ZNF510: variants seen among roughly 807,000 people sequenced by gnomAD.
ZNF510 encodes the protein zinc finger protein 510.
A neutral mutation model predicts 18.1 loss-of-function variants in ZNF510; 15 were observed. The observed-to-expected ratio is 0.83, with a 90% CI of 0.55 to 1.28. The LOEUF is 1.28. Ranked by LOEUF, ZNF510 falls within the 50% of genes most tolerant of loss-of-function variation. ZNF510 has a pLI of 0.00. For missense variants in ZNF510, 724 were observed against 791.8 expected (o/e 0.91, Z 1.03); for synonymous variants, 261 against 266.4 (o/e 0.98, Z 0.20).
Position 96,756,974 on chromosome 9 carries a change from A to G in ZNF510, c.*1804T>C, listed in dbSNP as rs1022216050. ...ACTTATGGGAATTAATCCCTACTAC[A>G]CTTTCAGATGTAAACATAACTGTAG... On this transcript the variant is annotated 3_prime_UTR_variant, in exon 6 of 6. Transcript: ENST00000223428. The G allele has an allele frequency of 3.9e-5, 6 of 152,182 alleles. No individual in the cohort carries two copies. Among genetic ancestry groups the G allele is most frequent in the Admixed American group, 2.0e-4 (3 of 15,278 alleles). 9.4% of individuals were successfully genotyped at this position (152,182 alleles called of 1,614,324 possible).
In ZNF510 at chr9:96,760,219, C is replaced by A. The variant is rs769407849; in HGVS notation, c.611G>T (p.Gly204Val). The A allele has an allele frequency of 6.2e-7, 1 of 1,613,096 alleles. No homozygotes were observed. Among genetic ancestry groups the A allele is most frequent in the Non-Finnish European group, 8.5e-7 (1 of 1,179,666 alleles). Residue 204 changes from glycine to valine, a missense_variant, in exon 6 of 6, where the codon GGT becomes GTT. Physicochemically the swap from Gly to Val is moderately radical, Grantham distance 109. Transcript: ENST00000223428. ...GAAAGGTGAATTCTCACATACATTA[C>A]CGCAACCTATTTTCTTTGTTGAATA... ...RNYSTKKIGC[G>V]NVCENSPFKI...
In ZNF510 at chr9:96,758,130, T is replaced by G. The variant is rs1849239821; in HGVS notation, c.*648A>C. On this transcript the variant is annotated 3_prime_UTR_variant, in exon 6 of 6. Coordinates refer to ENST00000223428, the MANE Select transcript of ZNF510 (RefSeq NM_014930.3). ...AGTGAAAATACAGATAAGGGGGGAC[T>G]ACTGTATAAGCTTAAATTTTGCTCA... 6.6e-6 allele frequency: 1 copy of G among 152,230 alleles called. No homozygotes were observed. The highest frequency in any genetic ancestry group is 6.5e-5 in the Admixed American group (1 of 15,282). 9.4% of individuals were successfully genotyped at this position (152,230 alleles called of 1,614,324 possible). A position where few individuals can be genotyped will look rare whatever the true frequency, so the allele number is the denominator to read the frequency against.
At chr9:96,773,518 T>C (rs1014392820) in intron 3 of ZNF510, among the ~76,000 whole-genome samples, 1 of 151,450 alleles carries the variant, frequency 6.6e-6, no homozygotes, top group African/African-American at 2.4e-5. Flanking sequence ...GACAGACATC[T>C]AAGCCACGGA....
intron 5 of ZNF510, among the ~76,000 whole-genome samples, chr9:96,762,108 G>A (rs1431036138): frequency 6.6e-6 from 1 of 150,888 alleles, no homozygotes; most frequent in African/African-American, 2.4e-5. Flanking sequence ...AGTGTATACT[G>A]CTTGGGTGAT....
chr9:96,758,081 C>A lies in ZNF510; in HGVS notation c.*697G>T, dbSNP rs1316293940. ...TTTAATAACTTTAAAGTACAGTTGACCATGGTTAATGGAAATTGCGTAAAG... is the reference window on the plus strand; with the variant it reads ...TTTAATAACTTTAAAGTACAGTTGAACATGGTTAATGGAAATTGCGTAAAG... On this transcript the variant is annotated 3_prime_UTR_variant, in exon 6 of 6. Transcript: ENST00000223428. The A allele has an allele frequency of 6.6e-6, 1 of 152,134 alleles. No individual in the cohort carries two copies. The highest frequency in any genetic ancestry group is 2.4e-5 in the African/African-American group (1 of 41,422). The allele number at this position is 152,134 out of a possible 1,614,324, so 9.4% of individuals were successfully genotyped here. A position where few individuals can be genotyped will look rare whatever the true frequency, so the allele number is the denominator to read the frequency against.
intron 3 of ZNF510, among the ~76,000 whole-genome samples, chr9:96,773,407 A>G (rs1261014082): frequency 2.6e-5 from 4 of 152,214 alleles, no homozygotes; most frequent in Admixed American, 1.3e-4. Flanking sequence ...CATATTTATT[A>G]TATTATTTCT....
Position 96,754,761 on chromosome 9 carries a change from C to T in ZNF510, c.*4017G>A, listed in dbSNP as rs1849158215. Among the ~76,000 whole-genome samples the T allele has an allele frequency of 1.3e-5, 2 of 152,206 alleles. No homozygotes were observed. The highest frequency in any genetic ancestry group is 2.9e-5 in the Non-Finnish European group (2 of 68,034). On this transcript the variant is annotated 3_prime_UTR_variant, in exon 6 of 6. Coordinates refer to ENST00000223428, the MANE Select transcript of ZNF510 (RefSeq NM_014930.3). ...ATCAAAAGGAAAAATGCTCAGATTTCAGTTTGATAACTGTACCTTCAGCAA... is the reference window on the plus strand; with the variant it reads ...ATCAAAAGGAAAAATGCTCAGATTTTAGTTTGATAACTGTACCTTCAGCAA...
chr9:96,776,379 C>T (rs944157522), intron 1 of ZNF510, 134 bp from the exon 2 acceptor site: 1 of 322,060 alleles, frequency 3.1e-6, no homozygotes, highest in African/African-American at 2.2e-5. Context: ...GCTGGATAAT[C>T]CTCTGACATA....
In ZNF510 at chr9:96,758,954, T is replaced by C. The variant is rs147521076; in HGVS notation, c.1876A>G (p.Lys626Glu). 5.6e-6 allele frequency: 9 copies of C among 1,614,154 alleles called. No individual in the cohort carries two copies. Among genetic ancestry groups the C allele is most frequent in the Non-Finnish European group, 7.6e-6 (9 of 1,180,008 alleles). ...SDHQRIHTGE[K>E]PFQCNKCGKT... ...CCACATTTATTACACTGAAAGGGTT[T>C]CTCCCCTGTGTGAATTCTCTGATGA... The change falls in exon 6 of 6, where the codon AAA becomes GAA. Residue 626 changes from lysine to glutamate, a missense_variant. By Grantham distance (56) the Lys-to-Glu change is moderately conservative. Coordinates refer to ENST00000223428, the MANE Select transcript of ZNF510 (RefSeq NM_014930.3).
At chr9:96,764,449 G>A (rs1588128158) in intron 3 of ZNF510, among the ~76,000 whole-genome samples, 2 of 152,138 alleles carry the variant, frequency 1.3e-5, no homozygotes, top group Admixed American at 6.5e-5. Flanking sequence ...ACTGTACCTG[G>A]CCACTTACCG....
At chr9:96,762,661 A>G (rs542158135) in intron 5 of ZNF510, among the ~76,000 whole-genome samples, 13 of 152,308 alleles carry the variant, frequency 8.5e-5, no homozygotes, top group Admixed American at 7.8e-4. Context: ...AACTCACTTC[A>G]TATCTGTTAT....
intron 3 of ZNF510, among the ~76,000 whole-genome samples, chr9:96,770,894 A>G (rs1164969701): frequency 2.0e-5 from 3 of 152,232 alleles, no homozygotes; most frequent in Admixed American, 6.5e-5. Context: ...ATTATATGGT[A>G]TGTGAATTGT....
chr9:96,768,949 A>G (rs1460754139), intron 3 of ZNF510, among the ~76,000 whole-genome samples: 2 of 152,234 alleles, frequency 1.3e-5, no homozygotes, highest in Non-Finnish European at 2.9e-5. Flanking sequence ...ATAAAGCAAC[A>G]GTAATCAAGA....
At chr9:96,767,562 C>A (rs1367435958) in intron 3 of ZNF510, among the ~76,000 whole-genome samples, 2 of 150,180 alleles carry the variant, frequency 1.3e-5, no homozygotes, top group Non-Finnish European at 2.9e-5. Context: ...ACTAACCTTA[C>A]AAAATAAAAA....
intron 5 of ZNF510, among the ~76,000 whole-genome samples, chr9:96,762,404 G>A (rs1273020755): frequency 6.6e-6 from 1 of 151,506 alleles, no homozygotes; most frequent in Non-Finnish European, 1.5e-5. Context: ...AGCTACTCTG[G>A]AGGCTGAGGC....
chr9:96,765,803 G>C (rs767453020), intron 3 of ZNF510, among the ~76,000 whole-genome samples: 1 of 151,992 alleles, frequency 6.6e-6, no homozygotes, highest in Non-Finnish European at 1.5e-5. Flanking sequence ...GAGCCACTGC[G>C]CCTGGCCGAT....
chr9:96,763,278 A>T (rs1849397578), intron 4 of ZNF510, 65 bp from the exon 5 acceptor site: 1 of 1,531,368 alleles, frequency 6.5e-7, no homozygotes, highest in African/African-American at 1.4e-5. Flanking sequence ...CAAAAGTGGA[A>T]GAAAATACAG....
chr9:96,776,013 T>C lies in ZNF510; in HGVS notation c.57A>G (p.Gln19=). 1 of 1,609,110 alleles carries C rather than the reference T, an allele frequency of 6.2e-7. No individual in the cohort carries two copies. The highest frequency in any genetic ancestry group is 1.3e-5 in the African/African-American group (1 of 75,016). The part of the protein sequence containing the change: ...TDCVTLNTVG[Q]LAEGGYPLRF... The stretch of plus-strand genomic sequence containing the variant: ...ACCCCAGCTTACCACCTTCTGCAAG[T>C]TGGCCCACAGTGTTCAGTGTCACAC... The change falls in exon 2 of 6, where the codon CAA becomes CAG. Residue 19 remains glutamine, a synonymous_variant. Coordinates refer to ENST00000223428, the MANE Select transcript of ZNF510 (RefSeq NM_014930.3).
intron 1 of ZNF510, among the ~76,000 whole-genome samples, chr9:96,776,794 C>G (rs527508218): frequency 6.6e-6 from 1 of 152,054 alleles, no homozygotes; most frequent in Non-Finnish European, 1.5e-5. Context: ...CCTCTCCCCC[C>G]ACCAAAAAAG....
Sources: allele counts gnomAD v4.1 joint callset (sites outside exome capture counted in the v4.1 genomes callset), GRCh38; gene constraint gnomAD v4.1.1; transcripts MANE v1.5; gene names NCBI Gene and HGNC (gene_info 2026-07-23, HGNC 2026-07-21).